C5: variants seen among roughly 807,000 people sequenced by gnomAD.
C5 encodes the protein C3 and PZP-like alpha-2-macroglobulin domain-containing protein 4.
A neutral mutation model predicts 218.8 loss-of-function variants in C5; 140 were observed. The observed-to-expected ratio is 0.64, with a 90% CI of 0.56 to 0.74. The LOEUF is 0.74. Ranked by LOEUF, C5 falls within the 30% of genes least tolerant of loss-of-function variation. The pLI, the probability that C5 is intolerant of heterozygous loss-of-function variation, is 0.00. For missense variants in C5, 1,700 were observed against 1,969.6 expected (o/e 0.86, Z 2.59); for synonymous variants, 614 against 682.3 (o/e 0.90, Z 1.56).
the C5 span, among the ~76,000 whole-genome samples, chr9:121,069,198 A>G: frequency 6.6e-6 from 1 of 152,236 alleles, no homozygotes; most frequent in Non-Finnish European, 1.5e-5. Context: ...AGCAATCAAC[A>G]TAGTGAAGAA....
At chr9:121,002,282 G>GTA (rs2047174972) in intron 20 of C5, among the ~76,000 whole-genome samples, 1 of 80,850 alleles carries the variant, frequency 1.2e-5, no homozygotes, top group African/African-American at 4.5e-5. Context: ...GTATATATAC[G>GTA]TATATATGTA....
upstream of C5, among the ~76,000 whole-genome samples, chr9:121,052,478 A>AT (rs1007815862): frequency 7.4e-5 from 11 of 148,956 alleles, no homozygotes; most frequent in East Asian, 2.0e-4. Flanking sequence ...AAAAAAGATG[A>AT]TTTTTTTTCT....
chr9:121,045,760 T>C lies in C5; in HGVS notation c.258+431A>G, dbSNP rs1411777132. Among the ~76,000 whole-genome samples, 3 of 152,160 alleles carry C rather than the reference T, an allele frequency of 2.0e-5. No homozygotes were observed. The East Asian group carries it at 5.8e-4, about 29-fold the overall frequency. The stretch of plus-strand genomic sequence containing the variant: ...ACTTTAGTAATCACAAATTTTTTAG[T>C]TTTTGAAACTATAATTGTAGAATAT... On this transcript the variant is annotated intron_variant, in intron 2 of 40. Transcript: ENST00000223642.
At chr9:120,959,268 T>C (rs190938635) in intron 38 of C5, among the ~76,000 whole-genome samples, 2 of 130,422 alleles carry the variant, frequency 1.5e-5, no homozygotes, top group East Asian at 2.2e-4. Context: ...TTCTTTCTTT[T>C]TTTTTTTGAG....
intron 20 of C5, among the ~76,000 whole-genome samples, chr9:121,001,934 T>A (rs749711684): frequency 4.6e-5 from 7 of 151,948 alleles, no homozygotes; most frequent in Non-Finnish European, 1.0e-4. Flanking sequence ...GCAAAATCAG[T>A]TATAATAGTG....
At chr9:120,993,245 C>A (rs537376070) in intron 22 of C5, among the ~76,000 whole-genome samples, 4 of 152,200 alleles carry the variant, frequency 2.6e-5, no homozygotes, top group Non-Finnish European at 4.4e-5. Flanking sequence ...GACTAAATGG[C>A]ATTAAATATG....
At chr9:121,006,096 G>C (rs1451031172) in intron 19 of C5, 38 bp from the exon 20 acceptor site, 2 of 1,607,306 alleles carry the variant, frequency 1.2e-6, no homozygotes, top group Non-Finnish European at 8.5e-7. Flanking sequence ...AATCATATTA[G>C]GAAATTCCTA....
chr9:121,046,857 A>G (rs58755341), intron 1 of C5, among the ~76,000 whole-genome samples: 312 of 152,286 alleles, frequency 2.0e-3, no homozygotes, highest in African/African-American at 7.2e-3. Flanking sequence ...TAAAGATTAA[A>G]TAAGAACATA....
chr9:120,970,130 T>C (rs913615113), intron 32 of C5, 40 bp downstream of exon 32: 1 of 1,416,176 alleles, frequency 7.1e-7, no homozygotes, highest in Non-Finnish European at 1.0e-6. Flanking sequence ...ACATGCTTTA[T>C]TTTTAGCCAA....
chr9:121,028,314 T>C (rs1338370822), intron 7 of C5, among the ~76,000 whole-genome samples: 4 of 152,298 alleles, frequency 2.6e-5, no homozygotes, highest in South Asian at 4.1e-4. Context: ...GAACTAGAAA[T>C]ACAATTTGAC....
intron 17 of C5, among the ~76,000 whole-genome samples, chr9:121,010,473 A>C (rs1399978542): frequency 6.6e-6 from 1 of 152,174 alleles, no homozygotes; most frequent in Non-Finnish European, 1.5e-5. Context: ...ACACCAATGA[A>C]AGAAATTCAA....
chr9:121,030,055 T>C (rs1171247729), intron 7 of C5, among the ~76,000 whole-genome samples: 1 of 152,188 alleles, frequency 6.6e-6, no homozygotes, highest in Non-Finnish European at 1.5e-5. Flanking sequence ...CAGCATTAGC[T>C]GGCTGATTAA....
rs761399713 is a variant in C5 at position 120,970,295 on chromosome 9, G to C, written c.4081-44C>G. The C allele has an allele frequency of 9.7e-6, 13 of 1,345,474 alleles. No homozygotes were observed. The South Asian group carries it at 1.4e-4, about 15-fold the overall frequency. 83.3% of individuals were successfully genotyped at this position (1,345,474 alleles called of 1,614,324 possible). A position where few individuals can be genotyped will look rare whatever the true frequency, so the allele number is the denominator to read the frequency against. Reference sequence around the variant, plus strand: ...AGCAAGAAGATTCTATTTAAAGTGGGAAAGTGACAAAGGTATTATGGCAAC... The same window carrying C: ...AGCAAGAAGATTCTATTTAAAGTGGCAAAGTGACAAAGGTATTATGGCAAC... On this transcript the variant is annotated intron_variant, in intron 31 of 40. Transcript: ENST00000223642.
At position 121,050,142 on chromosome 9, in the gene C5, T is replaced by C. The variant is rs368238370; in HGVS notation, c.65+40A>G. On this transcript the variant is annotated intron_variant, in intron 1 of 40. Transcript: ENST00000223642. Reference sequence around the variant, plus strand: ...AATTTAACTCTTCATTCGTCATAACTAAGATGCATTGAAAAATGAAGATAG... The same window carrying C: ...AATTTAACTCTTCATTCGTCATAACCAAGATGCATTGAAAAATGAAGATAG... The C allele has an allele frequency of 3.5e-5, 50 of 1,443,184 alleles. No homozygotes were observed. The African/African-American group carries it at 7.0e-4, about 20-fold the overall frequency. The allele number at this position is 1,443,184 out of a possible 1,614,324, so 89.4% of individuals were successfully genotyped here.
chr9:121,025,179 T>A lies in C5; in HGVS notation c.1000+275A>T, dbSNP rs552862111. 1.4e-4 allele frequency among the ~76,000 whole-genome samples: 22 copies of A among 152,326 alleles called. 1 individual carries two copies. The South Asian group carries it at 4.3e-3, about 30-fold the overall frequency. On this transcript the variant is annotated intron_variant, in intron 9 of 40. Transcript: ENST00000223642. ...AGGCAGAGAGCCTGCAGAACTACTT[T>A]GGACATGAATTGGGTACTGTTTTCC...
rs1451047417 is a variant in C5, at chr9:120,960,467, AC to A, written c.4589-131del. 6 of 664,362 alleles carry A rather than the reference AC, an allele frequency of 9.0e-6. No individual in the cohort carries two copies. In the Admixed American group the frequency reaches 1.5e-4, roughly 17 times the overall value. The allele number at this position is 664,362 out of a possible 1,614,324, so 41.2% of individuals were successfully genotyped here. On this transcript the variant is annotated intron_variant, in intron 37 of 40. Transcript: ENST00000223642. ...ACCTTACAAATGTCAGATTTCTAAG[AC>A]CTGCCCATTTTCTTTTCTTTCATAA...
intron 11 of C5, 127 bp from the exon 12 acceptor site, chr9:121,020,306 A>G: frequency 1.3e-6 from 1 of 770,732 alleles, no homozygotes; most frequent in African/African-American, 1.7e-5. Flanking sequence ...CTAAAGGGGA[A>G]AAAACCCTCC....
intron 18 of C5, 25 bp from the exon 19 acceptor site, chr9:121,007,002 A>G (rs2047221553): frequency 6.5e-7 from 1 of 1,529,934 alleles, no homozygotes; most frequent in African/African-American, 1.4e-5. Flanking sequence ...GTTGATATTC[A>G]AATACAGTGG....
intron 21 of C5, 145 bp downstream of exon 21, chr9:120,997,402 C>T: frequency 3.0e-6 from 2 of 656,904 alleles, no homozygotes; most frequent in Non-Finnish European, 5.2e-6. Context: ...AAGAATAGTA[C>T]AAAAAAAATC....
Sources: gnomAD v4.1 joint callset for allele counts (sites outside exome capture counted in the v4.1 genomes callset) on GRCh38, gnomAD v4.1.1 for gene constraint, MANE v1.5 for transcripts, NCBI Gene and HGNC (gene_info 2026-07-23, HGNC 2026-07-21) for gene names.